Variants in HECW2 observed in about 807,000 individuals in gnomAD.
HECW2 encodes E3 ubiquitin-protein ligase HECW2.
A neutral mutation model predicts 175.2 loss-of-function variants in HECW2; 61 were observed. That is an observed-to-expected ratio of 0.35 (90% confidence interval 0.28 to 0.43). HECW2 has a LOEUF of 0.43. HECW2 is among the 20% of genes least tolerant of loss of function. The probability of loss-of-function intolerance (pLI) is 1.00; values close to 1 mark genes in which losing one functional copy is unlikely to be tolerated. For missense variants in HECW2, 1,524 were observed against 2,000.5 expected, an observed-to-expected ratio of 0.76 and a Z score of 4.54; for synonymous variants, 671 against 731.0, an observed-to-expected ratio of 0.92 and a Z score of 1.32.
At chr2:196,502,589 T>TG (rs1687614469) in intron 1 of HECW2, among the ~76,000 whole-genome samples, 1 of 152,232 alleles carries the variant, frequency 6.6e-6, no homozygotes, top group Admixed American at 6.5e-5. Flanking sequence ...CGTACTCCAA[T>TG]GGTGGCAGTA....
chr2:196,304,526 C>T lies in HECW2; in HGVS notation c.2814+1962G>A, dbSNP rs945808699. The stretch of plus-strand genomic sequence containing the variant: ...CTCTGTCTTATTTACCACTCTATTC[C>T]CAGAGTCTAGAATGTACCAGGCAAA... On this transcript the variant is annotated intron_variant, in intron 13 of 28. Transcript: ENST00000644978. Among the ~76,000 whole-genome samples the T allele has an allele frequency of 1.1e-4, 17 of 152,088 alleles. 1 individual carries two copies. The highest frequency in any genetic ancestry group is 1.9e-4 in the East Asian group (1 of 5,198).
intron 2 of HECW2, among the ~76,000 whole-genome samples, chr2:196,364,966 G>T (rs569586778): frequency 6.6e-6 from 1 of 152,134 alleles, no homozygotes; most frequent in Admixed American, 6.6e-5. Context: ...GGGATAGAAA[G>T]GGAAGCTTAA....
chr2:196,408,605 A>T (rs929978097), intron 2 of HECW2, among the ~76,000 whole-genome samples: 2 of 152,228 alleles, frequency 1.3e-5, no homozygotes, highest in Non-Finnish European at 2.9e-5. Context: ...AAATTCTAGA[A>T]ATTCTACACC....
At chr2:196,236,383 A>G (rs1488666825) in intron 21 of HECW2, among the ~76,000 whole-genome samples, 1 of 152,238 alleles carries the variant, frequency 6.6e-6, no homozygotes, top group African/African-American at 2.4e-5. Flanking sequence ...ACTTACAGAA[A>G]GATTGCAAGG....
chr2:196,215,539 G>C (rs1033511718), intron 28 of HECW2, among the ~76,000 whole-genome samples: 3 of 152,146 alleles, frequency 2.0e-5, no homozygotes, highest in Non-Finnish European at 4.4e-5. Flanking sequence ...TAGTTATAAA[G>C]TTAAAACTCA....
intron 1 of HECW2, among the ~76,000 whole-genome samples, chr2:196,551,433 T>C (rs1689598665): frequency 6.6e-6 from 1 of 152,208 alleles, no homozygotes; most frequent in Admixed American, 6.5e-5. Flanking sequence ...TGACAGTCTG[T>C]AGATAACACA....
chr2:196,534,963 C>T (rs1688967397), intron 1 of HECW2, among the ~76,000 whole-genome samples: 1 of 151,992 alleles, frequency 6.6e-6, no homozygotes, highest in South Asian at 2.1e-4. Flanking sequence ...AACAAAGTGG[C>T]TAACTCCCCA....
intron 19 of HECW2, among the ~76,000 whole-genome samples, chr2:196,248,948 T>C (rs1688757628): frequency 6.6e-6 from 1 of 152,122 alleles, no homozygotes; most frequent in Non-Finnish European, 1.5e-5. Flanking sequence ...CCAGCTCTAG[T>C]CAAGTAACAA....
intron 1 of HECW2, among the ~76,000 whole-genome samples, chr2:196,546,834 A>AAG (rs1553536439): frequency 2.6e-5 from 4 of 152,012 alleles, no homozygotes; most frequent in African/African-American, 9.7e-5. Flanking sequence ...AAAAAAAAAA[A>AAG]AGAGAGAAAG....
chr2:196,578,931 T>C (rs1229013665), intron 1 of HECW2, among the ~76,000 whole-genome samples: 2 of 151,660 alleles, frequency 1.3e-5, no homozygotes, highest in Non-Finnish European at 2.9e-5. Flanking sequence ...TAAAGCTATC[T>C]ACACAGAGAA....
At chr2:196,351,186 T>A (rs529805730) in intron 2 of HECW2, among the ~76,000 whole-genome samples, 50 of 152,234 alleles carry the variant, frequency 3.3e-4, no homozygotes, top group Non-Finnish European at 6.5e-4. Flanking sequence ...TAATTCTTTT[T>A]TTTTAAAAAA....
intron 1 of HECW2, among the ~76,000 whole-genome samples, chr2:196,582,238 A>G (rs887431968): frequency 2.6e-5 from 4 of 152,200 alleles, no homozygotes; most frequent in African/African-American, 4.8e-5. Context: ...AAATCCAGCA[A>G]AATTCAATTT....
intron 1 of HECW2, among the ~76,000 whole-genome samples, chr2:196,561,131 C>T (rs1269619183): frequency 9.9e-5 from 15 of 152,224 alleles, no homozygotes; most frequent in Non-Finnish European, 2.1e-4. Flanking sequence ...GAATTCTTTC[C>T]CCAGTAAGGA....
intron 17 of HECW2, among the ~76,000 whole-genome samples, chr2:196,260,713 C>T (rs966579599): frequency 4.6e-5 from 7 of 152,170 alleles, no homozygotes; most frequent in African/African-American, 1.7e-4. Context: ...GAGGAACAGA[C>T]AGAAGTCAGC....
intron 3 of HECW2, among the ~76,000 whole-genome samples, chr2:196,335,464 T>C (rs540943104): frequency 6.6e-6 from 1 of 152,302 alleles, no homozygotes; most frequent in African/African-American, 2.4e-5. Context: ...AATCCTAGGC[T>C]ACGGGAGGGA....
At chr2:196,276,810 T>TA (rs1405802203) in intron 15 of HECW2, among the ~76,000 whole-genome samples, 1 of 152,222 alleles carries the variant, frequency 6.6e-6, no homozygotes, top group Non-Finnish European at 1.5e-5. Context: ...TATCTGCACT[T>TA]ACAACCAGCA....
At chr2:196,494,598 A>G (rs181827858) in intron 1 of HECW2, among the ~76,000 whole-genome samples, 1 of 152,328 alleles carries the variant, frequency 6.6e-6, no homozygotes, top group Non-Finnish European at 1.5e-5. Context: ...CAGAGCACAT[A>G]GGGAAGGCAT....
At chr2:196,271,346 T>A in intron 16 of HECW2, 57 bp from the exon 17 acceptor site, 2 of 1,309,006 alleles carry the variant, frequency 1.5e-6, no homozygotes, top group South Asian at 1.2e-5. Context: ...TTTAGTTTTA[T>A]GTATATAAAT....
At chr2:196,592,879 T>C (rs1426218888) in intron 1 of HECW2, 2 of 149,928 alleles carry the variant, frequency 1.3e-5, no homozygotes, top group African/African-American at 4.9e-5. Flanking sequence ...CTGCGGCCGG[T>C]CCGTGCGCGC....
Sources: gnomAD v4.1 joint callset for allele counts (sites outside exome capture counted in the v4.1 genomes callset) on GRCh38, gnomAD v4.1.1 for gene constraint, MANE v1.5 for transcripts, NCBI Gene and HGNC (gene_info 2026-07-23, HGNC 2026-07-21) for gene names.